The following SNAPC3 variants were observed in gnomAD, a reference collection of about 807,000 sequenced individuals.
SNAPC3 encodes the protein small nuclear RNA activating complex polypeptide 3, also known as snRNA-activating protein complex subunit 3.
SNAPC3 carries 56 observed loss-of-function variants against 47.7 expected under a neutral mutation model. That is an observed-to-expected ratio of 1.18 (90% CI 0.95 to 1.47). The LOEUF (loss-of-function observed/expected upper bound fraction) is 1.47. SNAPC3 is among the 40% of genes most tolerant of loss of function. The probability of loss-of-function intolerance (pLI) is 0.00; values close to 1 mark genes in which losing one functional copy is unlikely to be tolerated. For synonymous variants in SNAPC3, 235 were observed against 189.9 expected, an observed-to-expected ratio of 1.24 and a Z score of -1.95; for missense variants, 665 against 511.3, an observed-to-expected ratio of 1.30 and a Z score of -2.90.
chr9:15,465,779 T>G, downstream of SNAPC3: 1 of 508,912 alleles, frequency 2.0e-6, no homozygotes, highest in Non-Finnish European at 3.4e-6. Flanking sequence ...ATGTTGTATC[T>G]TCTTCCCAAA....
chr9:15,464,474 G>C (rs1303295514), downstream of SNAPC3: 1 of 200,856 alleles, frequency 5.0e-6, no homozygotes, highest in African/African-American at 2.3e-5. Context: ...CCTGGATTTA[G>C]TCCATACACG....
At chr9:15,448,429 T>G (rs972292767) in intron 5 of SNAPC3, among the ~76,000 whole-genome samples, 1 of 152,236 alleles carries the variant, frequency 6.6e-6, no homozygotes, top group South Asian at 2.1e-4. Context: ...TTTCCCTACT[T>G]CATCCGTTTT....
At position 15,433,622 on chromosome 9, in the gene SNAPC3, T is replaced by A. The variant is rs1489869628; in HGVS notation, c.463T>A (p.Phe155Ile). 1 of 1,600,474 alleles carries A rather than the reference T, an allele frequency of 6.2e-7. No individual in the cohort carries two copies. The highest frequency in any genetic ancestry group is 2.2e-5 in the East Asian group (1 of 44,754). The change falls in exon 3 of 9, where the codon TTC becomes ATC. Residue 155 changes from phenylalanine (F) to isoleucine (I), a missense_variant. Physicochemically the swap from Phe to Ile is conservative, Grantham distance 21. Coordinates refer to ENST00000380821, the MANE Select transcript of SNAPC3 (RefSeq NM_001039697.2). Reference protein sequence around the residue: ...TIDRACRQETFVYEMESHAIG... With the variant: ...TIDRACRQETIVYEMESHAIG... The stretch of plus-strand genomic sequence containing the variant: ...AGATCGAGCCTGCAGACAAGAAACA[T>A]TCGTTTATGAGATGGTAATTAAGAG...
At chr9:15,451,656 G>C (rs1257237584) in intron 6 of SNAPC3, among the ~76,000 whole-genome samples, 5 of 151,976 alleles carry the variant, frequency 3.3e-5, no homozygotes, top group Non-Finnish European at 7.4e-5. Flanking sequence ...TCTCGCCTGT[G>C]AATACCCACT....
rs10125410 is a variant in SNAPC3 at position 15,434,561 on chromosome 9, C to G, written c.477+925C>G. Among the ~76,000 whole-genome samples, 724 of 152,148 alleles carry G rather than the reference C, an allele frequency of 4.8e-3. 5 individuals carry two copies. Among genetic ancestry groups the G allele is most frequent in the African/African-American group, 0.017 (697 of 41,502 alleles). On this transcript the variant is annotated intron_variant, in intron 3 of 8. Transcript: ENST00000380821. ...CAGCTGGGATTATAGGTGCCTGCCA[C>G]CATGCCTGGCTCATTTTTGTATTTT... is the stretch of plus-strand genomic sequence containing the variant.
intron 3 of SNAPC3, among the ~76,000 whole-genome samples, chr9:15,441,315 C>G (rs937966655): frequency 6.7e-5 from 10 of 148,546 alleles, no homozygotes; most frequent in African/African-American, 2.5e-4. Context: ...TGAGAGACCT[C>G]CGTATTGTTT....
intron 3 of SNAPC3, among the ~76,000 whole-genome samples, chr9:15,440,352 T>A (rs2033212903): frequency 6.6e-6 from 1 of 152,228 alleles, no homozygotes; most frequent in South Asian, 2.1e-4. Flanking sequence ...TAACACTTCT[T>A]ACAGGTCAGG....
At chr9:15,449,050 TC>T (rs1455103533) in intron 5 of SNAPC3, among the ~76,000 whole-genome samples, 1 of 152,126 alleles carries the variant, frequency 6.6e-6, no homozygotes, top group African/African-American at 2.4e-5. Context: ...CTTCAGGTGA[TC>T]CACCCGCCTC....
chr9:15,449,689 G>T (rs1312410694), intron 5 of SNAPC3, among the ~76,000 whole-genome samples: 1 of 148,410 alleles, frequency 6.7e-6, no homozygotes, highest in Non-Finnish European at 1.5e-5. Flanking sequence ...TCCTGCCTCA[G>T]CCCCATGAGT....
At chr9:15,441,048 A>C (rs2131843679) in intron 3 of SNAPC3, among the ~76,000 whole-genome samples, 1 of 151,500 alleles carries the variant, frequency 6.6e-6, no homozygotes, top group South Asian at 2.1e-4. Context: ...AACTCCTGTT[A>C]ATCTTATTGA....
intron 1 of SNAPC3, 46 bp downstream of exon 1, chr9:15,423,239 G>A (rs1188289139): frequency 1.3e-6 from 2 of 1,506,048 alleles, no homozygotes; most frequent in East Asian, 2.5e-5. Flanking sequence ...GTCAAACAGG[G>A]TGCAGCCTTG....
chr9:15,457,622 G>C (rs561837708), intron 7 of SNAPC3, among the ~76,000 whole-genome samples: 2 of 152,118 alleles, frequency 1.3e-5, no homozygotes, highest in African/African-American at 4.8e-5. Context: ...AGGTACTAGT[G>C]TTAAGCAAAG....
At chr9:15,449,371 G>A (rs888845171) in intron 5 of SNAPC3, among the ~76,000 whole-genome samples, 13 of 151,946 alleles carry the variant, frequency 8.6e-5, no homozygotes, top group Non-Finnish European at 1.3e-4. Context: ...AACTCACTGT[G>A]TTGCCCAGCA....
chr9:15,446,214 T>C (rs1443842661), intron 4 of SNAPC3, among the ~76,000 whole-genome samples: 1 of 152,150 alleles, frequency 6.6e-6, no homozygotes, highest in Non-Finnish European at 1.5e-5. Flanking sequence ...CCATGGGATT[T>C]TTGTTGGTTT....
intron 2 of SNAPC3, among the ~76,000 whole-genome samples, chr9:15,430,009 A>G (rs898992545): frequency 3.9e-5 from 6 of 152,234 alleles, no homozygotes; most frequent in African/African-American, 1.4e-4. Flanking sequence ...ACACTTTTTA[A>G]TTTATATCTT....
chr9:15,445,872 G>A (rs963414357), intron 4 of SNAPC3, among the ~76,000 whole-genome samples: 1 of 152,078 alleles, frequency 6.6e-6, no homozygotes, highest in Admixed American at 6.5e-5. Flanking sequence ...GGAGGTCAAG[G>A]CTGCAGTGAG....
intron 2 of SNAPC3, among the ~76,000 whole-genome samples, chr9:15,425,895 C>G (rs1177102512): frequency 6.6e-6 from 1 of 152,154 alleles, no homozygotes; most frequent in Admixed American, 6.6e-5. Flanking sequence ...GAATTTCACT[C>G]TTGTTGCCCA....
intron 8 of SNAPC3, among the ~76,000 whole-genome samples, chr9:15,459,482 A>G (rs1249777668): frequency 6.6e-6 from 1 of 152,218 alleles, no homozygotes; most frequent in Admixed American, 6.5e-5. Context: ...GGTAAGTATT[A>G]CAGAGAAACA....
At chr9:15,424,760 T>C (rs1310988024) in intron 2 of SNAPC3, among the ~76,000 whole-genome samples, 3 of 152,250 alleles carry the variant, frequency 2.0e-5, no homozygotes, top group African/African-American at 7.2e-5. Context: ...TTCCAATTTA[T>C]AGTCCACTTA....
Sources: gnomAD v4.1 joint callset for allele counts (sites outside exome capture counted in the v4.1 genomes callset) on GRCh38, gnomAD v4.1.1 for gene constraint, MANE v1.5 for transcripts, NCBI Gene and HGNC (gene_info 2026-07-23, HGNC 2026-07-21) for gene names.